CALCR: variants seen among roughly 807,000 people sequenced by gnomAD.
The protein encoded by CALCR is calcitonin receptor.
CALCR carries 47 observed loss-of-function variants against 59.5 expected under a neutral mutation model. The observed-to-expected ratio is 0.79, with a 90% CI of 0.63 to 1.01. The LOEUF is 1.01. CALCR is among the 50% of genes least tolerant of loss of function. The probability of loss-of-function intolerance (pLI) is 0.00; values close to 1 mark genes in which losing one functional copy is unlikely to be tolerated. For missense variants in CALCR, 566 were observed against 597.1 expected (o/e 0.95, Z 0.54); for synonymous variants, 213 against 211.3 (o/e 1.01, Z -0.07).
At chr7:93,488,490 A>AT (rs1362366469) in intron 2 of CALCR, among the ~76,000 whole-genome samples, 2 of 148,686 alleles carry the variant, frequency 1.3e-5, no homozygotes, top group Non-Finnish European at 3.0e-5. Flanking sequence ...GGACCCATTG[A>AT]TGTGCTATAT....
chr7:93,452,660 T>C (rs1800133797), intron 8 of CALCR, among the ~76,000 whole-genome samples: 1 of 151,988 alleles, frequency 6.6e-6, no homozygotes. Context: ...TGGTTGTGAT[T>C]TGGTGTGTTT....
chr7:93,444,794 A>G (rs1335488196), intron 8 of CALCR, among the ~76,000 whole-genome samples: 1 of 152,016 alleles, frequency 6.6e-6, no homozygotes, highest in African/African-American at 2.4e-5. Flanking sequence ...TTGCATTACT[A>G]TTATTTTACC....
At chr7:93,564,461 A>T (rs35957168) in intron 2 of CALCR, among the ~76,000 whole-genome samples, 23,872 of 145,952 alleles carry the variant, frequency 0.16, 2,913 homozygotes, top group African/African-American at 0.35. Flanking sequence ...CTACACTTTT[A>T]AAAAAAAAAA....
chr7:93,449,763 A>G (rs1479137207), intron 8 of CALCR, among the ~76,000 whole-genome samples: 1 of 152,102 alleles, frequency 6.6e-6, no homozygotes, highest in Non-Finnish European at 1.5e-5. Flanking sequence ...TACAAAGATC[A>G]GTACATATCT....
intron 12 of CALCR, among the ~76,000 whole-genome samples, 189 bp downstream of exon 12, chr7:93,435,763 G>C (rs1799759007): frequency 6.6e-6 from 1 of 150,976 alleles, no homozygotes; most frequent in Admixed American, 6.6e-5. Context: ...TTGAGATCAT[G>C]CCACTGCACT....
At chr7:93,555,738 A>C (rs559076933) in intron 2 of CALCR, among the ~76,000 whole-genome samples, 40 of 152,296 alleles carry the variant, frequency 2.6e-4, no homozygotes, top group African/African-American at 9.6e-4. Flanking sequence ...AAACGGGTAG[A>C]AGCATAAAGC....
chr7:93,563,751 A>G (rs1294044772), intron 2 of CALCR, among the ~76,000 whole-genome samples: 3 of 152,182 alleles, frequency 2.0e-5, no homozygotes, highest in African/African-American at 7.2e-5. Context: ...GCTGTCATGC[A>G]TTTATAACGA....
chr7:93,571,749 A>G (rs34140967), intron 2 of CALCR, among the ~76,000 whole-genome samples: 11,768 of 152,286 alleles, frequency 0.077, 530 homozygotes, highest in African/African-American at 0.084. Flanking sequence ...GAGCGAGTTC[A>G]TTAATCTAAT....
chr7:93,515,705 T>C (rs918053032), intron 2 of CALCR, among the ~76,000 whole-genome samples: 2 of 152,138 alleles, frequency 1.3e-5, no homozygotes, highest in Admixed American at 6.6e-5. Context: ...GACAAAGCTG[T>C]CTGTCCTTTC....
At chr7:93,558,349 C>A (rs1584631264) in intron 2 of CALCR, among the ~76,000 whole-genome samples, 1 of 151,860 alleles carries the variant, frequency 6.6e-6, no homozygotes, top group African/African-American at 2.4e-5. Context: ...TCTTTGTATA[C>A]CATGGTTTGA....
chr7:93,507,577 G>A (rs902192710), intron 2 of CALCR, among the ~76,000 whole-genome samples: 1 of 151,218 alleles, frequency 6.6e-6, no homozygotes, highest in Non-Finnish European at 1.5e-5. Flanking sequence ...CACTGTTTGT[G>A]CAGAACTAAA....
intron 2 of CALCR, among the ~76,000 whole-genome samples, chr7:93,551,413 C>T (rs184758127): frequency 1.1e-4 from 16 of 152,218 alleles, no homozygotes; most frequent in Admixed American, 7.8e-4. Context: ...TATTTATTAC[C>T]GAGGACTTTT....
intron 2 of CALCR, among the ~76,000 whole-genome samples, chr7:93,514,857 T>C (rs1276805370): frequency 6.6e-6 from 1 of 152,024 alleles, no homozygotes; most frequent in Non-Finnish European, 1.5e-5. Flanking sequence ...CCATTAAAAA[T>C]GGTAGCAGAG....
At position 93,507,006 on chromosome 7, in the gene CALCR, G is replaced by A. The variant is rs140894235; in HGVS notation, c.-26-19999C>T. 2.2e-3 allele frequency among the ~76,000 whole-genome samples: 332 copies of A among 152,170 alleles called. 1 individual carries two copies. The highest frequency in any genetic ancestry group is 6.7e-3 in the African/African-American group (278 of 41,510). ...TAAGACATGCCTTTGCTCCTGCTTC[G>A]CCATGATTGTGAGGCCTCCCCAGCC... On this transcript the variant is annotated intron_variant, in intron 2 of 13. Transcript: ENST00000426151.
intron 2 of CALCR, among the ~76,000 whole-genome samples, chr7:93,569,576 G>T: frequency 6.6e-6 from 1 of 151,990 alleles, no homozygotes; most frequent in East Asian, 1.9e-4. Context: ...CACCCTCATG[G>T]CATTTCTCTA....
chr7:93,452,911 T>C (rs191302626), intron 8 of CALCR, among the ~76,000 whole-genome samples: 20 of 152,148 alleles, frequency 1.3e-4, no homozygotes, highest in Admixed American at 1.2e-3. Flanking sequence ...GTTTTTTCTC[T>C]ATATGGTATA....
At chr7:93,487,101 A>G in intron 2 of CALCR, 94 bp from the exon 3 acceptor site, 1 of 671,612 alleles carries the variant, frequency 1.5e-6, no homozygotes, top group Non-Finnish European at 2.5e-6. Flanking sequence ...TGACTTAAAG[A>G]GGATCAACAT....
At chr7:93,469,293 C>T (rs10281782) in intron 6 of CALCR, among the ~76,000 whole-genome samples, 9,375 of 150,170 alleles carry the variant, frequency 0.062, 932 homozygotes, top group African/African-American at 0.21. Context: ...TGGTTGAAGC[C>T]GAAACCTTTC....
rs146916121 is a variant in CALCR, at chr7:93,570,802, G to A, written c.-27+3487C>T. On this transcript the variant is annotated intron_variant, in intron 2 of 13. Coordinates refer to ENST00000426151, the MANE Select transcript of CALCR (RefSeq NM_001742.4). The stretch of plus-strand genomic sequence containing the variant: ...TTAGGGACATTTTTCTGTATCCTGT[G>A]ATCCACTCTTTCTTCCCTGAAACAT... 2.2e-3 allele frequency among the ~76,000 whole-genome samples: 337 copies of A among 152,174 alleles called. 1 individual carries two copies. Among genetic ancestry groups the A allele is most frequent in the African/African-American group, 7.8e-3 (323 of 41,524 alleles).
Sources: gnomAD v4.1 joint callset for allele counts (sites outside exome capture counted in the v4.1 genomes callset) on GRCh38, gnomAD v4.1.1 for gene constraint, MANE v1.5 for transcripts, NCBI Gene and HGNC (gene_info 2026-07-23, HGNC 2026-07-21) for gene names.